The following SMAP2 variants were observed in gnomAD, a reference collection of about 807,000 sequenced individuals.
The protein encoded by SMAP2 is small ArfGAP2.
A neutral mutation model predicts 56.4 loss-of-function variants in SMAP2; 25 were observed. The observed-to-expected ratio is 0.44, with a 90% confidence interval of 0.32 to 0.62. The LOEUF (loss-of-function observed/expected upper bound fraction) is 0.62. Among genes scored for constraint, SMAP2 ranks in the 20% least tolerant of loss-of-function variants. SMAP2 has a pLI of 0.04. For missense variants in SMAP2, 388 were observed against 545.6 expected (o/e 0.71, Z 2.88); for synonymous variants, 157 against 181.7 (o/e 0.86, Z 1.09).
chr1:40,409,324 A>G (rs1644913718), intron 3 of SMAP2, among the ~76,000 whole-genome samples: 1 of 151,888 alleles, frequency 6.6e-6, no homozygotes, highest in Admixed American at 6.6e-5. Flanking sequence ...TTAAATGCAG[A>G]TTTGGGGCCT....
Position 40,413,234 on chromosome 1 carries a change from T to G in SMAP2, c.489+132T>G, listed in dbSNP as rs573964529. The G allele has an allele frequency of 7.4e-4, 523 of 702,588 alleles. 6 individuals carry two copies. In the South Asian group the frequency reaches 7.8e-3, roughly 10 times the overall value. The allele number at this position is 702,588 out of a possible 1,614,324, so 43.5% of individuals were successfully genotyped here. On this transcript the variant is annotated intron_variant, in intron 5 of 9. Transcript: ENST00000372718. Reference sequence around the variant, plus strand: ...GGGGCTAAAGGGTTCTGCATCTGGATTGGACTGCCTGCTATCATTTCTGCT... The same window carrying G: ...GGGGCTAAAGGGTTCTGCATCTGGAGTGGACTGCCTGCTATCATTTCTGCT...
intron 1 of SMAP2, among the ~76,000 whole-genome samples, chr1:40,352,718 A>G (rs1225218237): frequency 6.6e-6 from 1 of 151,786 alleles, no homozygotes; most frequent in African/African-American, 2.4e-5. Context: ...TGTAGAGACA[A>G]TGCCTCGCTA....
intron 6 of SMAP2, among the ~76,000 whole-genome samples, chr1:40,414,784 T>C (rs1644971229): frequency 6.6e-6 from 1 of 152,220 alleles, no homozygotes; most frequent in Non-Finnish European, 1.5e-5. Context: ...GTGGTCATTT[T>C]TCTCCAAACC....
intron 1 of SMAP2, among the ~76,000 whole-genome samples, chr1:40,397,960 G>A (rs531365699): frequency 6.6e-6 from 1 of 152,290 alleles, no homozygotes; most frequent in African/African-American, 2.4e-5. Context: ...CATGTGTAAA[G>A]TACAAGGCTC....
chr1:40,409,597 G>C (rs1644916022), intron 3 of SMAP2, among the ~76,000 whole-genome samples, 160 bp from the exon 4 acceptor site: 1 of 152,204 alleles, frequency 6.6e-6, no homozygotes, highest in Non-Finnish European at 1.5e-5. Context: ...GGCATTTTAA[G>C]GTTTTGGTCA....
intron 1 of SMAP2, among the ~76,000 whole-genome samples, chr1:40,397,576 A>G (rs1644784546): frequency 6.6e-6 from 1 of 152,116 alleles, no homozygotes; most frequent in Non-Finnish European, 1.5e-5. Context: ...ATATACATTT[A>G]TGTTGCTTAT....
At chr1:40,410,493 T>G (rs552871974) in intron 4 of SMAP2, among the ~76,000 whole-genome samples, 1 of 152,104 alleles carries the variant, frequency 6.6e-6, no homozygotes, top group South Asian at 2.1e-4. Flanking sequence ...CATATATACT[T>G]TTTTCCTGTA....
At chr1:40,415,170 G>C (rs1467234599) in intron 6 of SMAP2, 102 bp from the exon 7 acceptor site, 1 of 826,952 alleles carries the variant, frequency 1.2e-6, no homozygotes, top group Non-Finnish European at 2.0e-6. Flanking sequence ...TAGATTTCTA[G>C]GTCCATGAGC....
chr1:40,410,497 T>C (rs572460376), intron 4 of SMAP2, among the ~76,000 whole-genome samples: 1 of 152,184 alleles, frequency 6.6e-6, no homozygotes, highest in East Asian at 1.9e-4. Context: ...TATACTTTTT[T>C]CCTGTAAATG....
At chr1:40,396,253 C>G (rs991863661) in intron 1 of SMAP2, among the ~76,000 whole-genome samples, 6 of 152,066 alleles carry the variant, frequency 3.9e-5, no homozygotes, top group East Asian at 3.8e-4. Context: ...TAAGGAAGGC[C>G]TCTCTAATAG....
intron 1 of SMAP2, among the ~76,000 whole-genome samples, chr1:40,352,177 G>T (rs1234397836): frequency 6.6e-6 from 1 of 152,096 alleles, no homozygotes; most frequent in Non-Finnish European, 1.5e-5. Flanking sequence ...AAATAGTGTT[G>T]ATAAGGTGCC....
At chr1:40,377,473 C>A (rs982651166) in intron 1 of SMAP2, among the ~76,000 whole-genome samples, 2 of 152,166 alleles carry the variant, frequency 1.3e-5, no homozygotes, top group Admixed American at 6.5e-5. Context: ...TGCTTTGGGG[C>A]TGCCTATTTA....
intron 1 of SMAP2, among the ~76,000 whole-genome samples, chr1:40,391,025 A>C (rs1328378851): frequency 6.6e-6 from 1 of 152,170 alleles, no homozygotes; most frequent in Non-Finnish European, 1.5e-5. Flanking sequence ...TGTTGTGGGC[A>C]CTGTCCAGGG....
intron 1 of SMAP2, among the ~76,000 whole-genome samples, chr1:40,381,196 C>T (rs1174559952): frequency 6.6e-6 from 1 of 152,170 alleles, no homozygotes. Flanking sequence ...TATAGTCATT[C>T]AGAAAATGTT....
rs2124249181 is a variant in SMAP2 at position 40,385,731 on chromosome 1, GC to G, written c.103+11510del. Among the ~76,000 whole-genome samples, 1 of 152,274 alleles carries G rather than the reference GC, an allele frequency of 6.6e-6. No individual in the cohort carries two copies. Among genetic ancestry groups the G allele is most frequent in the South Asian group, 2.1e-4 (1 of 4,826 alleles). On this transcript the variant is annotated intron_variant, in intron 1 of 9. Coordinates refer to ENST00000372718, the MANE Select transcript of SMAP2 (RefSeq NM_022733.3). This position sits in a 1 kb window ranked among gnomAD's most constrained non-coding sequence, Gnocchi z 4.5. ...GTGACGGAATACCATAAATCCCCAG[GC>G]CTCTACCACAGAGCTTACATCTTTA...
At chr1:40,354,710 T>C (rs1644426093) in intron 1 of SMAP2, among the ~76,000 whole-genome samples, 1 of 150,794 alleles carries the variant, frequency 6.6e-6, no homozygotes, top group Admixed American at 6.7e-5. Context: ...TTTAGTAGTA[T>C]AACTTGTGAC....
intron 6 of SMAP2, among the ~76,000 whole-genome samples, chr1:40,414,990 C>T (rs190529551): frequency 4.6e-4 from 70 of 152,276 alleles, no homozygotes; most frequent in African/African-American, 1.6e-3. Flanking sequence ...TTCAAATAGC[C>T]AGAAGGGAGC....
At position 40,413,060 on chromosome 1, in the gene SMAP2, A is replaced by G. The variant is rs35411537; in HGVS notation, c.447A>G (p.Pro149=). Residue 149 remains proline (P), a synonymous_variant, in exon 5 of 10, where the codon CCA becomes CCG. Coordinates refer to ENST00000372718, the MANE Select transcript of SMAP2 (RefSeq NM_022733.3). ...DKWKRGSEPV[P]EKKLEPVVFE... is the part of the protein sequence containing the mutation. ...GGAAAAGAGGGAGCGAACCAGTTCC[A>G]GAAAAAAAATTGGAACCTGTTGTTT... 3.7e-4 allele frequency: 597 copies of G among 1,613,974 alleles called. 5 individuals carry two copies. The highest frequency in any genetic ancestry group is 1.3e-3 in the Middle Eastern group (8 of 6,060).
chr1:40,363,608 C>A (rs766266652), intron 2 of SMAP2, among the ~76,000 whole-genome samples: 1 of 152,142 alleles, frequency 6.6e-6, no homozygotes, highest in Non-Finnish European at 1.5e-5. Context: ...CAACTATCCA[C>A]ACAAAAAATC....
Sources: allele counts gnomAD v4.1 joint callset (sites outside exome capture counted in the v4.1 genomes callset), GRCh38; gene constraint gnomAD v4.1.1; non-coding constraint Gnocchi (gnomAD v3.1); transcripts MANE v1.5; gene names NCBI Gene and HGNC (gene_info 2026-07-23, HGNC 2026-07-21).